PRSS36: variants seen among roughly 807,000 people sequenced by gnomAD.
PRSS36 encodes the protein serine protease 36, also known as polyserase-2.
Under a neutral mutation model 94.3 loss-of-function variants are expected in PRSS36, and 90 were observed. That is an observed-to-expected ratio of 0.95 (90% CI 0.80 to 1.14). PRSS36 has a LOEUF of 1.14. Ranked by LOEUF, PRSS36 falls within the 50% of genes most tolerant of loss-of-function variation. The pLI is 0.00. For synonymous variants in PRSS36, 500 were observed against 489.6 expected (o/e 1.02, Z -0.28); for missense variants, 1,158 against 1,135.0 (o/e 1.02, Z -0.29).
In PRSS36 at chr16:31,148,471, G is replaced by A; in HGVS notation, c.477C>T (p.Cys159=). The change falls in exon 5 of 15, where the codon TGC becomes TGT. Residue 159 remains cysteine (C), a synonymous_variant. Transcript: ENST00000268281. ...CGAAGCGGTGTGAGGCGCGGGGCAGGCAGACAGGCCACACGGCGGGGCCCA... is the reference window on the plus strand; with the variant it reads ...CGAAGCGGTGTGAGGCGCGGGGCAGACAGACAGGCCACACGGCGGGGCCCA... ...ASLGPAVWPV[C]LPRASHRFVH... is the part of the protein sequence containing the mutation. 6.3e-7 allele frequency: 1 copy of A among 1,575,996 alleles called. No individual in the cohort carries two copies. Among genetic ancestry groups the A allele is most frequent in the Non-Finnish European group, 8.6e-7 (1 of 1,167,428 alleles).
At chr16:31,141,388 CAAACAAAT>C (rs1337684334) in intron 12 of PRSS36, 73 bp downstream of exon 12, 20 of 1,478,476 alleles carry the variant, frequency 1.4e-5, no homozygotes, top group East Asian at 6.9e-5. Flanking sequence ...AACAAACAAA[CAAACAAAT>C]AACAAAAACA....
rs866827921 is a variant in PRSS36, at chr16:31,142,565, C to G, written c.1437G>C (p.Gln479His). 3.9e-6 allele frequency: 6 copies of G among 1,526,266 alleles called. No homozygotes were observed. In the African/African-American group the frequency reaches 5.6e-5, roughly 14 times the overall value. The allele number at this position is 1,526,266 out of a possible 1,614,324, so 94.5% of individuals were successfully genotyped here. ...CTCCGGGCAGCGGTACTGCCGCCCC[C>G]TGGCGGCCGTACAGGCAGTGGCACC... ...GWWCHCLYGR[Q>H]GAAVPLPGDP... Residue 479 changes from glutamine to histidine, a missense_variant, in exon 10 of 15, where the codon CAG becomes CAC. Physicochemically the swap from Gln to His is conservative, Grantham distance 24 (BLOSUM62 0). Coordinates refer to ENST00000268281, the MANE Select transcript of PRSS36 (RefSeq NM_173502.5).
Position 31,142,538 on chromosome 16 carries a change from GT to G in PRSS36, c.1463del (p.Asp488AlafsTer66), listed in dbSNP as rs1567446733. On this transcript the variant is annotated frameshift_variant, in exon 10 of 15. Transcript: ENST00000268281. LOFTEE classifies it high-confidence loss of function. Reference sequence around the variant, plus strand: ...AGGCAGGGCAGAGCGCGTGCGGCGGGTCTCCGGGCAGCGGTACTGCCGCCCC... The same window carrying G: ...AGGCAGGGCAGAGCGCGTGCGGCGGGCTCCGGGCAGCGGTACTGCCGCCCC... ...RQGAAVPLPG[D>X]PPHALCPAYQ... 3 of 1,516,452 alleles carry G rather than the reference GT, an allele frequency of 2.0e-6. No homozygotes were observed. Among genetic ancestry groups the G allele is most frequent in the Non-Finnish European group, 2.6e-6 (3 of 1,135,226 alleles). 93.9% of individuals were successfully genotyped at this position (1,516,452 alleles called of 1,614,324 possible).
intron 6 of PRSS36, among the ~76,000 whole-genome samples, chr16:31,145,001 C>T (rs1306496983): frequency 1.3e-5 from 2 of 151,784 alleles, no homozygotes; most frequent in Non-Finnish European, 2.9e-5. Context: ...GCAGGACAAT[C>T]GCTTGAACCC....
At chr16:31,146,845 G>T (rs1456090374) in intron 5 of PRSS36, among the ~76,000 whole-genome samples, 1 of 152,176 alleles carries the variant, frequency 6.6e-6, no homozygotes, top group Non-Finnish European at 1.5e-5. Flanking sequence ...GCTGGGCGTG[G>T]TGGTGGGTGC....
chr16:31,141,034 C>A (rs2057678743), intron 12 of PRSS36, among the ~76,000 whole-genome samples: 1 of 152,168 alleles, frequency 6.6e-6, no homozygotes, highest in African/African-American at 2.4e-5. Flanking sequence ...TCAAGCGATT[C>A]TCCTGCCTCA....
Position 31,143,655 on chromosome 16 carries a change from G to C in PRSS36, c.903C>G (p.Thr301=). ...GATCTGACTGGGTCTTCTGGGGCTGGGTGGGAAAGGCAGGCCCAGGCTCTG... is the reference window on the plus strand; with the variant it reads ...GATCTGACTGGGTCTTCTGGGGCTGCGTGGGAAAGGCAGGCCCAGGCTCTG... ...MGSEPGPAFP[T]QPQKTQSDPQ... The change falls in exon 7 of 15, where the codon ACC becomes ACG. Residue 301 remains threonine (T), a synonymous_variant. Transcript: ENST00000268281. 1 of 1,614,186 alleles carries C rather than the reference G, an allele frequency of 6.2e-7. No individual in the cohort carries two copies. The highest frequency in any genetic ancestry group is 8.5e-7 in the Non-Finnish European group (1 of 1,180,026).
intron 8 of PRSS36, 76 bp downstream of exon 8, chr16:31,143,266 G>A: frequency 6.6e-7 from 1 of 1,521,986 alleles, no homozygotes; most frequent in Non-Finnish European, 8.8e-7. Context: ...CCTGGGGAGG[G>A]GCTGGGGCCG....
At position 31,148,461 on chromosome 16, in the gene PRSS36, C is replaced by A; in HGVS notation, c.487G>T (p.Ala163Ser). 6.4e-7 allele frequency: 1 copy of A among 1,574,146 alleles called. No homozygotes were observed. Among genetic ancestry groups the A allele is most frequent in the East Asian group, 2.3e-5 (1 of 43,704 alleles). The change falls in exon 5 of 15, where the codon GCC (alanine) becomes TCC (serine). Residue 163 changes from alanine (A) to serine (S), a missense_variant. Coordinates refer to ENST00000268281, the MANE Select transcript of PRSS36 (RefSeq NM_173502.5). ...GTGCCGTGCACGAAGCGGTGTGAGGCGCGGGGCAGGCAGACAGGCCACACG... is the reference window on the plus strand; with the variant it reads ...GTGCCGTGCACGAAGCGGTGTGAGGAGCGGGGCAGGCAGACAGGCCACACG... ...PAVWPVCLPR[A>S]SHRFVHGTAC...
At chr16:31,146,652 G>T (rs1296034261) in intron 5 of PRSS36, among the ~76,000 whole-genome samples, 1 of 152,066 alleles carries the variant, frequency 6.6e-6, no homozygotes, top group Non-Finnish European at 1.5e-5. Context: ...GGGGGTGGGG[G>T]GAAGTACAGA....
In PRSS36 at chr16:31,141,827, TG is replaced by T; in HGVS notation, c.1654del (p.His552MetfsTer2). On this transcript the variant is annotated frameshift_variant, in exon 11 of 15. Transcript: ENST00000268281. LOFTEE classifies it high-confidence loss of function. The stretch of plus-strand genomic sequence containing the variant: ...CTCCAGGTAGGCTCCCCGAGTCACA[TG>T]GCTGATCCATGGGCCATGAGTCTGC... Reference protein sequence around the residue: ...PLQTHGPWISHVTRGAYLEDQ... With the variant: ...PLQTHGPWISXVTRGAYLEDQ... The T allele has an allele frequency of 6.2e-7, 1 of 1,614,174 alleles. No individual in the cohort carries two copies. The highest frequency in any genetic ancestry group is 8.5e-7 in the Non-Finnish European group (1 of 1,180,022).
intron 5 of PRSS36, 65 bp downstream of exon 5, chr16:31,148,330 T>G: frequency 6.9e-7 from 1 of 1,446,714 alleles, no homozygotes. Flanking sequence ...GGCCCCGCCC[T>G]AGGAACCTCA....
chr16:31,143,467 G>A lies in PRSS36; in HGVS notation c.975C>T (p.Cys325=), dbSNP rs368491176. 21 of 1,607,286 alleles carry A rather than the reference G, an allele frequency of 1.3e-5. No individual in the cohort carries two copies. Among genetic ancestry groups the A allele is most frequent in the African/African-American group, 2.7e-5 (2 of 74,704 alleles). ...AGGCCCCTGGCCGCGGGGCCTTCCCGCACTCTGAGGGGTGAGAGGCCTGGG... is the reference window on the plus strand; with the variant it reads ...AGGCCCCTGGCCGCGGGGCCTTCCCACACTCTGAGGGGTGAGAGGCCTGGG... ...EENCTIALPE[C]GKAPRPGAWP... The change falls in exon 8 of 15, where the codon TGC becomes TGT. Residue 325 remains cysteine, a synonymous_variant. Transcript: ENST00000268281.
chr16:31,145,567 AG>A (rs2057786991), intron 6 of PRSS36, among the ~76,000 whole-genome samples: 1 of 152,002 alleles, frequency 6.6e-6, no homozygotes, highest in African/African-American at 2.4e-5. Context: ...GGGGTGGAGC[AG>A]GGGGAGGTTG....
chr16:31,145,767 A>G, intron 6 of PRSS36, 22 bp downstream of exon 6: 1 of 1,606,084 alleles, frequency 6.2e-7, no homozygotes, highest in Non-Finnish European at 8.5e-7. Flanking sequence ...CCTGCCAGGC[A>G]GGTGCCGGGG....
intron 5 of PRSS36, among the ~76,000 whole-genome samples, chr16:31,147,707 C>A (rs1334975718): frequency 6.6e-6 from 1 of 152,036 alleles, no homozygotes; most frequent in Non-Finnish European, 1.5e-5. Context: ...TAACACGGTG[C>A]CTGGCATGTA....
rs752514331 is a variant in PRSS36 at position 31,139,227 on chromosome 16, T to C, written c.2479A>G (p.Asn827Asp). The change falls in exon 15 of 15, where the codon AAT (asparagine) becomes GAT (aspartate). Residue 827 changes from asparagine to aspartate, a missense_variant. Asn to Asp is a conservative substitution (Grantham distance 23, BLOSUM62 1). Transcript: ENST00000268281. ...TTGGCCAGTTCTGGGGGGCAGAGAT[T>C]GCTGCCTCCAGTGGGCCAGTGTGGG... ...GSPHWPTGGSNLCPPELAKAS... is the reference protein window; with the variant it reads ...GSPHWPTGGSDLCPPELAKAS... 1.2e-6 allele frequency: 2 copies of C among 1,613,820 alleles called. No homozygotes were observed. The highest frequency in any genetic ancestry group is 8.5e-7 in the Non-Finnish European group (1 of 1,179,816).
chr16:31,149,159 C>T lies in PRSS36; in HGVS notation c.186G>A (p.Val62=), dbSNP rs1567455827. Residue 62 remains valine (V), a synonymous_variant, in exon 4 of 15, where the codon GTG becomes GTA. Transcript: ENST00000268281. ...NAQPGTWPWQ[V]SLHHGGGHIC... ...TGTGGCCACCTCCATGGTGCAGGCT[C>T]ACTTGCCAAGGCCAGGTGCCCGGCT... 1.9e-6 allele frequency: 3 copies of T among 1,576,914 alleles called. No individual in the cohort carries two copies. Among genetic ancestry groups the T allele is most frequent in the Non-Finnish European group, 2.6e-6 (3 of 1,162,362 alleles).
intron 1 of PRSS36, 123 bp downstream of exon 1, chr16:31,149,876 T>C: frequency 6.6e-7 from 1 of 1,525,414 alleles, no homozygotes. Flanking sequence ...CCTCGCCTTC[T>C]GCTGCCTCAC....
Sources: allele counts gnomAD v4.1 joint callset (sites outside exome capture counted in the v4.1 genomes callset), GRCh38; gene constraint gnomAD v4.1.1; transcripts MANE v1.5; gene names NCBI Gene and HGNC (gene_info 2026-07-23, HGNC 2026-07-21).